LAMA3: variants seen among roughly 807,000 people sequenced by gnomAD.
LAMA3 encodes laminin subunit alpha 3, also known as laminin subunit alpha-3.
A neutral mutation model predicts 402.0 loss-of-function variants in LAMA3; 281 were observed. The observed-to-expected ratio is 0.70, with a 90% CI of 0.63 to 0.77. The LOEUF is 0.77. LAMA3 is among the 30% of genes least tolerant of loss of function. The pLI, the probability that LAMA3 is intolerant of heterozygous loss-of-function variation, is 0.00. For synonymous variants in LAMA3, 1,431 were observed against 1,558.4 expected (o/e 0.92, Z 1.93); for missense variants, 3,840 against 4,215.5 (o/e 0.91, Z 2.47).
intron 56 of LAMA3, among the ~76,000 whole-genome samples, chr18:23,913,773 G>A (rs1189718951): frequency 6.6e-6 from 1 of 152,140 alleles, no homozygotes; most frequent in African/African-American, 2.4e-5. Context: ...GTGGTAAAAT[G>A]CACATTACTT....
chr18:23,792,616 T>C (rs2062681137), intron 12 of LAMA3, among the ~76,000 whole-genome samples: 1 of 152,106 alleles, frequency 6.6e-6, no homozygotes, highest in African/African-American at 2.4e-5. Flanking sequence ...AACCATAGCA[T>C]ATGGGAAGCC....
chr18:23,853,517 C>T (rs992773579), intron 32 of LAMA3, among the ~76,000 whole-genome samples: 29 of 152,340 alleles, frequency 1.9e-4, no homozygotes, highest in African/African-American at 7.0e-4. Flanking sequence ...AGGTGATCCA[C>T]TGCCTCAGCC....
At chr18:23,942,326 G>A (rs368966107) in intron 68 of LAMA3, among the ~76,000 whole-genome samples, 3 of 152,128 alleles carry the variant, frequency 2.0e-5, no homozygotes, top group South Asian at 2.1e-4. Flanking sequence ...CATCTCCCAC[G>A]ACCCTTTCAC....
intron 11 of LAMA3, among the ~76,000 whole-genome samples, chr18:23,779,598 G>A (rs981759985): frequency 6.6e-6 from 1 of 152,170 alleles, no homozygotes; most frequent in African/African-American, 2.4e-5. Context: ...GCCAGAGGCG[G>A]GGTGGGTGGG....
intron 1 of LAMA3, among the ~76,000 whole-genome samples, chr18:23,698,258 G>C (rs377107804): frequency 5.5e-5 from 8 of 146,468 alleles, no homozygotes; most frequent in African/African-American, 2.0e-4. Flanking sequence ...CCAGGCTGGA[G>C]TGCAGTGGCG....
chr18:23,724,583 TACTC>T (rs2061266897), intron 2 of LAMA3, among the ~76,000 whole-genome samples: 2 of 152,192 alleles, frequency 1.3e-5, no homozygotes, highest in African/African-American at 2.4e-5. Flanking sequence ...ATCAGAAAAA[TACTC>T]AGTAAATGGA....
At chr18:23,745,540 G>A (rs527757103) in intron 2 of LAMA3, among the ~76,000 whole-genome samples, 43 of 152,286 alleles carry the variant, frequency 2.8e-4, no homozygotes, top group African/African-American at 1.0e-3. Context: ...GTACCTATTA[G>A]GTCCTGTGAC....
At chr18:23,944,939 C>T (rs760035229) in intron 69 of LAMA3, among the ~76,000 whole-genome samples, 1 of 152,178 alleles carries the variant, frequency 6.6e-6, no homozygotes, top group Non-Finnish European at 1.5e-5. Context: ...TCGAGACCAG[C>T]CCGACCAACA....
intron 11 of LAMA3, among the ~76,000 whole-genome samples, chr18:23,780,096 A>G (rs2062405307): frequency 6.6e-6 from 1 of 152,142 alleles, no homozygotes; most frequent in African/African-American, 2.4e-5. Context: ...AATTTAAGGA[A>G]TGGTGACTAC....
Position 23,839,766 on chromosome 18 carries a change from T to A in LAMA3, c.3192-19T>A. 6.2e-7 allele frequency: 1 copy of A among 1,613,954 alleles called. No individual in the cohort carries two copies. Reference sequence around the variant, plus strand: ...TGGGTTCTTTTAAAAATCAGATTTTTAAATATTCTATTTTTCAGTGCCACC... The same window carrying A: ...TGGGTTCTTTTAAAAATCAGATTTTAAAATATTCTATTTTTCAGTGCCACC... On this transcript the variant is annotated intron_variant, in intron 26 of 74. Coordinates refer to ENST00000313654, the MANE Select transcript of LAMA3 (RefSeq NM_198129.4). This position sits in a 1 kb window ranked among gnomAD's most constrained non-coding sequence, Gnocchi z 4.5.
intron 30 of LAMA3, among the ~76,000 whole-genome samples, chr18:23,845,754 G>A (rs1443584791): frequency 6.6e-6 from 1 of 152,176 alleles, no homozygotes; most frequent in Admixed American, 6.5e-5. Context: ...GGTGAATGCT[G>A]CTCAGCCACT....
At chr18:23,866,662 G>A (rs1469848193) in intron 36 of LAMA3, among the ~76,000 whole-genome samples, 1 of 152,104 alleles carries the variant, frequency 6.6e-6, no homozygotes. Context: ...AGTTTATTGT[G>A]CAAACCATTA....
Position 23,846,445 on chromosome 18 carries a change from A to G in LAMA3, c.3868A>G (p.Asn1290Asp). Residue 1290 changes from asparagine (N) to aspartate (D), a missense_variant, in exon 31 of 75, where the codon AAC (asparagine) becomes GAC (aspartate). Physicochemically the swap from Asn to Asp is conservative, Grantham distance 23. This residue lies in a region of LAMA3 where 2,109 missense variants were observed against 2,376.0 expected (regional missense o/e 0.89). Transcript: ENST00000313654. ...GGGTGGGCAGTGCCCATGCCAGCCC[A>G]ACGTCATCGGGCGGCAGTGCACCCG... ...PEGGQCPCQP[N>D]VIGRQCTRCA... 6.2e-7 allele frequency: 1 copy of G among 1,613,752 alleles called. No homozygotes were observed. The highest frequency in any genetic ancestry group is 8.5e-7 in the Non-Finnish European group (1 of 1,180,016).
At chr18:23,936,785 G>A (rs942323142) in intron 67 of LAMA3, among the ~76,000 whole-genome samples, 1 of 152,196 alleles carries the variant, frequency 6.6e-6, no homozygotes, top group East Asian at 1.9e-4. Flanking sequence ...GCCACATCAT[G>A]TGGCCTCTAC....
intron 11 of LAMA3, among the ~76,000 whole-genome samples, chr18:23,777,822 G>C (rs115561291): frequency 6.6e-6 from 1 of 152,164 alleles, no homozygotes; most frequent in Non-Finnish European, 1.5e-5. Context: ...ACTACCTGAC[G>C]TAGGAAACTG....
intron 38 of LAMA3, among the ~76,000 whole-genome samples, chr18:23,872,274 A>G (rs917315222): frequency 6.6e-6 from 1 of 152,080 alleles, no homozygotes; most frequent in African/African-American, 2.4e-5. Flanking sequence ...CTTAGAGGAC[A>G]TTATGTTCTA....
In LAMA3 at chr18:23,861,746, A is replaced by G; in HGVS notation, c.4523A>G (p.Glu1508Gly). ...AACAGTATGGTGGCGGATCTCCAGG[A>G]GCTGCCCGCAACCATCCACAGCGCG... The part of the protein sequence containing the change: ...GSNSMVADLQ[E>G]LPATIHSASW... Residue 1508 changes from glutamate (E) to glycine (G), a missense_variant, in exon 35 of 75, where the codon GAG becomes GGG. Physicochemically the swap from Glu to Gly is moderately conservative, Grantham distance 98 (BLOSUM62 -2). This residue lies in a region of LAMA3 where 2,109 missense variants were observed against 2,376.0 expected (regional missense o/e 0.89). Transcript: ENST00000313654. 6.2e-7 allele frequency: 1 copy of G among 1,613,996 alleles called. No individual in the cohort carries two copies. Among genetic ancestry groups the G allele is most frequent in the South Asian group, 1.1e-5 (1 of 91,012 alleles).
At chr18:23,812,152 C>T (rs530532228) in intron 13 of LAMA3, among the ~76,000 whole-genome samples, 228 of 152,250 alleles carry the variant, frequency 1.5e-3, no homozygotes, top group South Asian at 3.9e-3. Flanking sequence ...GGATTACAGG[C>T]GTGAGCCACC....
intron 34 of LAMA3, among the ~76,000 whole-genome samples, chr18:23,861,044 TG>T (rs1315738291): frequency 6.6e-6 from 1 of 152,156 alleles, no homozygotes; most frequent in Non-Finnish European, 1.5e-5. Flanking sequence ...TATCTTTTAC[TG>T]CCTGTCTCCT....
Sources: allele counts gnomAD v4.1 joint callset (sites outside exome capture counted in the v4.1 genomes callset), GRCh38; gene constraint gnomAD v4.1.1; regional missense constraint gnomAD v4.1.1; non-coding constraint Gnocchi (gnomAD v3.1); transcripts MANE v1.5; gene names NCBI Gene and HGNC (gene_info 2026-07-23, HGNC 2026-07-21).